The following RIPOR2 variants were observed in gnomAD, a reference collection of about 807,000 sequenced individuals.
RIPOR2 encodes the protein rho family-interacting cell polarization regulator 2.
Under a neutral mutation model 114.5 loss-of-function variants are expected in RIPOR2, and 39 were observed. The observed-to-expected ratio is 0.34, with a 90% CI of 0.26 to 0.44. RIPOR2 has a LOEUF of 0.44. RIPOR2 is among the 20% of genes least tolerant of loss of function. RIPOR2 has a pLI of 1.00. For missense variants in RIPOR2, 1,007 were observed against 1,255.1 expected, an observed-to-expected ratio of 0.80 and a Z score of 2.99; for synonymous variants, 445 against 484.4, an observed-to-expected ratio of 0.92 and a Z score of 1.07.
At chr6:24,923,012 A>G (rs1460611522) in intron 1 of RIPOR2, among the ~76,000 whole-genome samples, 1 of 152,122 alleles carries the variant, frequency 6.6e-6, no homozygotes, top group African/African-American at 2.4e-5. Flanking sequence ...CTGAAACTCT[A>G]TGCCCTTTAA....
At chr6:25,020,553 A>G (rs1776269990) in intron 1 of RIPOR2, among the ~76,000 whole-genome samples, 1 of 152,216 alleles carries the variant, frequency 6.6e-6, no homozygotes, top group Non-Finnish European at 1.5e-5. Context: ...AGATTCCACA[A>G]GGTATCTCCA....
At position 24,969,971 on chromosome 6, in the gene RIPOR2, C is replaced by T. The variant is rs780609425; in HGVS notation, c.76+71880G>A. ...AACTGTGCTGCACATGGTAGCTGTT[C>T]AATAAATATTTGTTGAATAAACAAA... is the stretch of plus-strand genomic sequence containing the variant. On this transcript the variant is annotated intron_variant, in intron 1 of 13. Coordinates refer to the RIPOR2 transcript ENST00000510784. Among the ~76,000 whole-genome samples, 5 of 152,160 alleles carry T rather than the reference C, an allele frequency of 3.3e-5. No individual in the cohort carries two copies. In the East Asian group the frequency reaches 5.8e-4, roughly 18 times the overall value.
intron 1 of RIPOR2, among the ~76,000 whole-genome samples, chr6:24,889,657 CT>C (rs1767142160): frequency 6.6e-6 from 1 of 151,876 alleles, no homozygotes; most frequent in Non-Finnish European, 1.5e-5. Context: ...TTTAAAGCAA[CT>C]ATGTTGCTTT....
upstream of RIPOR2, among the ~76,000 whole-genome samples, chr6:24,939,694 T>C (rs1442585655): frequency 6.6e-6 from 1 of 152,210 alleles, no homozygotes; most frequent in Non-Finnish European, 1.5e-5. Context: ...TAGTTTTCAC[T>C]AAGAAATGAG....
chr6:24,811,559 C>A (rs1781165048), intron 20 of RIPOR2, among the ~76,000 whole-genome samples: 1 of 151,750 alleles, frequency 6.6e-6, no homozygotes, highest in South Asian at 2.1e-4. Flanking sequence ...TTTCTCAAGA[C>A]TGATTTGTCT....
intron 1 of RIPOR2, among the ~76,000 whole-genome samples, chr6:25,021,288 T>C (rs1270215224): frequency 2.0e-5 from 3 of 151,780 alleles, no homozygotes; most frequent in South Asian, 2.1e-4. Context: ...GGTGACTATA[T>C]GAAAAAAGGT....
intron 12 of RIPOR2, among the ~76,000 whole-genome samples, chr6:24,845,585 A>G (rs1429248347): frequency 1.3e-5 from 2 of 152,224 alleles, no homozygotes; most frequent in East Asian, 1.9e-4. Flanking sequence ...TGAGACTCCA[A>G]GACTCAAGCT....
intron 1 of RIPOR2, among the ~76,000 whole-genome samples, chr6:24,884,430 T>G (rs1043344515): frequency 2.6e-5 from 4 of 152,044 alleles, no homozygotes; most frequent in Non-Finnish European, 2.9e-5. Flanking sequence ...AAAATAAAAA[T>G]AAATAAATTA....
chr6:24,966,423 C>A (rs1773531728), intron 1 of RIPOR2, among the ~76,000 whole-genome samples: 1 of 152,154 alleles, frequency 6.6e-6, no homozygotes, highest in East Asian at 1.9e-4. Flanking sequence ...ATTACCTAGC[C>A]TCCCTCCCCA....
chr6:24,990,136 GT>G (rs1368678968), intron 1 of RIPOR2, among the ~76,000 whole-genome samples: 1 of 152,166 alleles, frequency 6.6e-6, no homozygotes, highest in African/African-American at 2.4e-5. Context: ...CTCACTTTCA[GT>G]TCCTGGACAT....
At chr6:24,961,163 G>T (rs1028477) in intron 1 of RIPOR2, among the ~76,000 whole-genome samples, 2 of 151,970 alleles carry the variant, frequency 1.3e-5, no homozygotes, top group Admixed American at 1.3e-4. Context: ...GACAAGTTAT[G>T]ATACAAGACA....
intron 1 of RIPOR2, among the ~76,000 whole-genome samples, chr6:24,927,372 C>G (rs1771027037): frequency 6.8e-6 from 1 of 146,712 alleles, no homozygotes; most frequent in Non-Finnish European, 1.5e-5. Flanking sequence ...TCATCATCAT[C>G]ACCTCACCAC....
At chr6:25,036,902 T>C (rs1777280817) in intron 1 of RIPOR2, among the ~76,000 whole-genome samples, 1 of 152,174 alleles carries the variant, frequency 6.6e-6, no homozygotes, top group African/African-American at 2.4e-5. Flanking sequence ...GTAAGCCAGC[T>C]GAATGTGAGG....
At chr6:24,977,429 T>G (rs571099883) in intron 1 of RIPOR2, among the ~76,000 whole-genome samples, 1 of 152,208 alleles carries the variant, frequency 6.6e-6, no homozygotes, top group South Asian at 2.1e-4. Context: ...ATGTTTAATT[T>G]AAAACAGAGA....
chr6:24,838,433 T>C (rs1012134061), intron 14 of RIPOR2, among the ~76,000 whole-genome samples: 4 of 152,144 alleles, frequency 2.6e-5, no homozygotes, highest in Admixed American at 2.0e-4. Context: ...TCTTCAGAAA[T>C]GTGTATACCT....
At chr6:24,995,315 G>T (rs1006095038) in intron 1 of RIPOR2, among the ~76,000 whole-genome samples, 3 of 152,204 alleles carry the variant, frequency 2.0e-5, no homozygotes, top group African/African-American at 7.2e-5. Context: ...AAGGGGCAAT[G>T]AATTGTCTCA....
chr6:24,909,055 AC>A (rs1769270526), intron 1 of RIPOR2, among the ~76,000 whole-genome samples: 1 of 152,226 alleles, frequency 6.6e-6, no homozygotes, highest in Non-Finnish European at 1.5e-5. Context: ...TTTTTGCTAA[AC>A]AGATTCTCCA....
chr6:24,975,298 T>C (rs1041585313), intron 1 of RIPOR2, among the ~76,000 whole-genome samples: 2 of 152,200 alleles, frequency 1.3e-5, no homozygotes, highest in African/African-American at 4.8e-5. Context: ...ATGGGAAATA[T>C]ACTTTAATAA....
chr6:24,810,068 C>T (rs537051315), intron 20 of RIPOR2, among the ~76,000 whole-genome samples: 11 of 152,234 alleles, frequency 7.2e-5, no homozygotes, highest in Middle Eastern at 3.4e-3. Context: ...CCAGGCTAGT[C>T]GAATTCTTCT....
Sources: gnomAD v4.1 joint callset for allele counts (sites outside exome capture counted in the v4.1 genomes callset) on GRCh38, gnomAD v4.1.1 for gene constraint, MANE v1.5 for transcripts, NCBI Gene and HGNC (gene_info 2026-07-23, HGNC 2026-07-21) for gene names.